TANC2: variants seen among roughly 807,000 people sequenced by gnomAD.
TANC2 encodes tetratricopeptide repeat, ankyrin repeat and coiled-coil containing 2.
A neutral mutation model predicts 210.5 loss-of-function variants in TANC2; 26 were observed. The ratio of observed to expected loss-of-function variants is 0.12; its 90% CI spans 0.09 to 0.17. TANC2 has a LOEUF of 0.17. Ranked by LOEUF, TANC2 falls within the 10% of genes least tolerant of loss-of-function variation. The pLI is 1.00. For synonymous variants in TANC2, 931 were observed against 967.1 expected (o/e 0.96, Z 0.69); for missense variants, 2,129 against 2,608.9 (o/e 0.82, Z 4.01).
intron 11 of TANC2, among the ~76,000 whole-genome samples, chr17:63,325,142 C>T (rs1011295849): frequency 3.3e-5 from 5 of 151,994 alleles, no homozygotes; most frequent in African/African-American, 9.7e-5. Flanking sequence ...GTGACCTTGA[C>T]CTCTGTGCTA....
chr17:63,365,065 G>A (rs1410193052), intron 14 of TANC2, among the ~76,000 whole-genome samples: 4 of 152,154 alleles, frequency 2.6e-5, no homozygotes, highest in South Asian at 2.1e-4. Flanking sequence ...AGCAATACTG[G>A]CTGGATCAAA....
chr17:62,974,740 CTTCCCTGA>C (rs1348791393), intron 1 of TANC2, among the ~76,000 whole-genome samples: 1 of 152,162 alleles, frequency 6.6e-6, no homozygotes, highest in Non-Finnish European at 1.5e-5. Flanking sequence ...ATATTTGCCA[CTTCCCTGA>C]AGTTCAGTAA....
intron 1 of TANC2, among the ~76,000 whole-genome samples, chr17:63,000,391 A>T (rs1351048930): frequency 6.6e-6 from 1 of 152,204 alleles, no homozygotes; most frequent in Non-Finnish European, 1.5e-5. Context: ...GGATAAGAAA[A>T]GGGCTTTAAA....
At chr17:63,193,332 T>G (rs548116491) in intron 5 of TANC2, among the ~76,000 whole-genome samples, 1 of 152,224 alleles carries the variant, frequency 6.6e-6, no homozygotes, top group Non-Finnish European at 1.5e-5. Flanking sequence ...GGAACTTGAG[T>G]TCAGTACTAA....
chr17:63,169,812 C>CA lies in TANC2; in HGVS notation c.433+18438dup, dbSNP rs537768647. On this transcript the variant is annotated intron_variant, in intron 5 of 27. Transcript: ENST00000689528. ...CTGGCAACAAAGTGAGACTCCATCT[C>CA]AAAAAATAATAATAATAATAATAAT... Among the ~76,000 whole-genome samples the CA allele has an allele frequency of 9.2e-3, 1,394 of 151,118 alleles. 10 individuals are homozygous for CA. Among genetic ancestry groups the CA allele is most frequent in the Non-Finnish European group, 0.015 (1,017 of 67,792 alleles).
chr17:63,235,466 C>A (rs1259526353), intron 7 of TANC2, among the ~76,000 whole-genome samples: 1 of 151,692 alleles, frequency 6.6e-6, no homozygotes, highest in Non-Finnish European at 1.5e-5. Flanking sequence ...AAGCACATAC[C>A]CTCATCTCTC....
At chr17:63,109,330 G>A (rs1033915007) in intron 4 of TANC2, among the ~76,000 whole-genome samples, 1 of 151,546 alleles carries the variant, frequency 6.6e-6, no homozygotes, top group Non-Finnish European at 1.5e-5. Context: ...AAAAGAGGGA[G>A]TGAGAAAAGA....
intron 3 of TANC2, among the ~76,000 whole-genome samples, chr17:63,082,172 A>T (rs1300259487): frequency 6.6e-6 from 1 of 152,178 alleles, no homozygotes; most frequent in Non-Finnish European, 1.5e-5. Flanking sequence ...CTCCATCTCA[A>T]AAAAAAGAAG....
chr17:63,322,614 A>G (rs770332291), intron 11 of TANC2, among the ~76,000 whole-genome samples: 10 of 152,260 alleles, frequency 6.6e-5, no homozygotes, highest in Non-Finnish European at 1.0e-4. Flanking sequence ...TGAAGGACCT[A>G]TAGTCCAGGA....
intron 7 of TANC2, among the ~76,000 whole-genome samples, chr17:63,229,924 G>C (rs2042427716): frequency 6.6e-6 from 1 of 152,022 alleles, no homozygotes; most frequent in Non-Finnish European, 1.5e-5. Context: ...CTCCTGAGTA[G>C]CTGGGATTAC....
chr17:63,286,254 G>A (rs977693823), intron 9 of TANC2, among the ~76,000 whole-genome samples: 3 of 152,118 alleles, frequency 2.0e-5, no homozygotes, highest in African/African-American at 7.2e-5. Flanking sequence ...TCTGCCTGAA[G>A]GACTTCCTTT....
At chr17:63,018,861 A>T (rs2034227330) in intron 2 of TANC2, among the ~76,000 whole-genome samples, 1 of 152,190 alleles carries the variant, frequency 6.6e-6, no homozygotes, top group South Asian at 2.1e-4. Flanking sequence ...CACAGGACTC[A>T]TCCAGGTTGT....
chr17:63,014,094 C>G (rs67298063), intron 2 of TANC2, among the ~76,000 whole-genome samples: 2,753 of 152,020 alleles, frequency 0.018, 45 homozygotes, highest in Non-Finnish European at 0.029. Flanking sequence ...CTCAATTGAC[C>G]TATCTTTAAA....
At position 63,247,132 on chromosome 17, in the gene TANC2, A is replaced by G. The variant is rs564327979; in HGVS notation, c.1033+9055A>G. ...CTTTAGCACATTTTCATATTGGGTT[A>G]TTTTCTTTGGATTTGTACGAACTTG... On this transcript the variant is annotated intron_variant, in intron 8 of 27. Coordinates refer to ENST00000689528, the Ensembl canonical transcript of TANC2. 6.0e-4 allele frequency among the ~76,000 whole-genome samples: 91 copies of G among 152,048 alleles called. 1 individual carries two copies. In the South Asian group the frequency reaches 0.018, roughly 30 times the overall value.
intron 1 of TANC2, among the ~76,000 whole-genome samples, chr17:62,991,214 A>G (rs957337194): frequency 2.6e-5 from 4 of 152,214 alleles, no homozygotes; most frequent in African/African-American, 9.7e-5. Context: ...ACAAAATAAT[A>G]TTAAAAAAAC....
chr17:63,396,132 C>A, intron 18 of TANC2: 1 of 524,474 alleles, frequency 1.9e-6, no homozygotes, highest in East Asian at 3.2e-5. Context: ...TAGAAAGGTG[C>A]GAGTTGGAAA....
At chr17:63,411,609 G>A (rs1354224699) in exon 22 of TANC2, 6 of 1,613,864 alleles carry the variant, frequency 3.7e-6, no homozygotes, top group African/African-American at 1.3e-5. Context: ...GGTGGATAAC[G>A]GAGCTGCCAC....
intron 7 of TANC2, among the ~76,000 whole-genome samples, chr17:63,218,081 C>T (rs888315344): frequency 9.9e-5 from 15 of 151,908 alleles, no homozygotes; most frequent in Admixed American, 3.9e-4. Context: ...GCCAGAAGTT[C>T]GAGAGTTGCC....
At chr17:63,354,826 G>C in exon 14 of TANC2, 1 of 1,601,974 alleles carries the variant, frequency 6.2e-7, no homozygotes, top group Non-Finnish European at 8.5e-7. Context: ...TTTTTGGATC[G>C]ACTAGAAGAG....
Sources: gnomAD v4.1 joint callset for allele counts (sites outside exome capture counted in the v4.1 genomes callset) on GRCh38, gnomAD v4.1.1 for gene constraint, MANE v1.5 for transcripts, NCBI Gene and HGNC (gene_info 2026-07-23, HGNC 2026-07-21) for gene names.